Variants in CERK observed in about 807,000 individuals in gnomAD.
CERK encodes the protein acylsphingosine kinase.
In CERK, 39 loss-of-function variants were observed where a neutral mutation model predicts 63.4. The ratio of observed to expected loss-of-function variants is 0.61; its 90% CI spans 0.48 to 0.80. The LOEUF (loss-of-function observed/expected upper bound fraction) is 0.80. Ranked by LOEUF, CERK falls within the 30% of genes least tolerant of loss-of-function variation. The probability of loss-of-function intolerance (pLI) is 0.00; values close to 1 mark genes in which losing one functional copy is unlikely to be tolerated. For synonymous variants in CERK, 302 were observed against 280.0 expected (o/e 1.08, Z -0.78); for missense variants, 670 against 714.1 (o/e 0.94, Z 0.70).
At chr22:46,709,394 G>A (rs1283283524) in intron 5 of CERK, among the ~76,000 whole-genome samples, 1 of 152,208 alleles carries the variant, frequency 6.6e-6, no homozygotes, top group Non-Finnish European at 1.5e-5. Context: ...GAGGTGGTGG[G>A]AAGAAGTACA....
At chr22:46,733,175 TC>T (rs2146597607) in intron 1 of CERK, among the ~76,000 whole-genome samples, 1 of 116,842 alleles carries the variant, frequency 8.6e-6, no homozygotes, top group East Asian at 2.8e-4. Flanking sequence ...GCCACTGCAC[TC>T]CAGCCCTGGG....
In CERK at chr22:46,686,747, T is replaced by G. The variant is rs1268513985; in HGVS notation, c.*387A>C. The G allele has an allele frequency of 4.7e-6, 1 of 212,632 alleles. No homozygotes were observed. Among genetic ancestry groups the G allele is most frequent in the Non-Finnish European group, 9.7e-6 (1 of 103,130 alleles). The allele number at this position is 212,632 out of a possible 1,614,324, so 13.2% of individuals were successfully genotyped here. A position where few individuals can be genotyped will look rare whatever the true frequency, so the allele number is the denominator to read the frequency against. On this transcript the variant is annotated 3_prime_UTR_variant, in exon 13 of 13. Coordinates refer to ENST00000216264, the MANE Select transcript of CERK (RefSeq NM_022766.6). ...ATAAGTCCTGCAAAGTGGATCAAAG[T>G]GACCCACTGCTACCTCAGGCCCAGA...
rs574388891 is a variant in CERK, at chr22:46,684,830, C to T, written c.*2304G>A. 2.0e-5 allele frequency: 3 copies of T among 152,290 alleles called. No homozygotes were observed. Among genetic ancestry groups the T allele is most frequent in the East Asian group, 1.9e-4 (1 of 5,182 alleles). 9.4% of individuals were successfully genotyped at this position (152,290 alleles called of 1,614,324 possible). A position where few individuals can be genotyped will look rare whatever the true frequency, so the allele number is the denominator to read the frequency against. On this transcript the variant is annotated 3_prime_UTR_variant, in exon 13 of 13. Coordinates refer to ENST00000216264, the MANE Select transcript of CERK (RefSeq NM_022766.6). ...TCTGGGCAGTCACCCCCATCCTGCG[C>T]GCAGATAGCAAAGGGCTGCTGGCAG...
At chr22:46,689,921 G>T in intron 12 of CERK, 71 bp downstream of exon 12, 1 of 1,205,716 alleles carries the variant, frequency 8.3e-7, no homozygotes, top group Non-Finnish European at 1.1e-6. Context: ...CACCCTGGGT[G>T]GGGCAGCTTG....
At chr22:46,688,567 C>T (rs2082714821) in intron 12 of CERK, among the ~76,000 whole-genome samples, 1 of 152,244 alleles carries the variant, frequency 6.6e-6, no homozygotes, top group African/African-American at 2.4e-5. Context: ...CAGAGACCTC[C>T]TCCCTTAGGC....
intron 12 of CERK, among the ~76,000 whole-genome samples, chr22:46,688,507 C>T (rs181810391): frequency 2.7e-4 from 41 of 152,374 alleles, no homozygotes; most frequent in African/African-American, 9.9e-4. Flanking sequence ...GCCATCACCA[C>T]CGCCCTGACA....
At chr22:46,693,047 C>T (rs997260914) in intron 10 of CERK, among the ~76,000 whole-genome samples, 7 of 152,078 alleles carry the variant, frequency 4.6e-5, no homozygotes, top group Admixed American at 2.0e-4. Flanking sequence ...ACTCACTGTA[C>T]ACTGCCTAGG....
At chr22:46,690,253 T>A in intron 11 of CERK, 53 bp from the exon 12 acceptor site, 1 of 1,519,294 alleles carries the variant, frequency 6.6e-7, no homozygotes, top group South Asian at 1.1e-5. Context: ...ATCGTCTGGG[T>A]GGGGCAGCAG....
Position 46,701,674 on chromosome 22 carries a change from G to C in CERK, c.752C>G (p.Thr251Ser). Residue 251 changes from threonine to serine, a missense_variant, in exon 7 of 13, where the codon ACC becomes AGC. Thr to Ser is a moderately conservative substitution (Grantham distance 58). Coordinates refer to ENST00000216264, the MANE Select transcript of CERK (RefSeq NM_022766.6). ...CAGCGCCGAGGTTTCTGCGTCGCTG[G>C]TGCCCACGGTGGAGTAACACACGCA... The part of the protein sequence containing the change: ...TDCVCYSTVG[T>S]SDAETSALHI... The C allele has an allele frequency of 6.4e-7, 1 of 1,559,474 alleles. No individual in the cohort carries two copies. Among genetic ancestry groups the C allele is most frequent in the South Asian group, 1.2e-5 (1 of 84,502 alleles).
intron 1 of CERK, among the ~76,000 whole-genome samples, chr22:46,737,314 C>G (rs903713341): frequency 1.2e-4 from 18 of 144,828 alleles, no homozygotes; most frequent in Non-Finnish European, 2.4e-4. Context: ...AAACAAAAAA[C>G]AAACAAAAAA....
chr22:46,720,262 A>T (rs2082885760), intron 2 of CERK, 54 bp from the exon 3 acceptor site: 1 of 1,570,982 alleles, frequency 6.4e-7, no homozygotes, highest in Admixed American at 1.8e-5. Context: ...TCACTGACAA[A>T]ACCTCAAGTG....
chr22:46,712,515 C>T (rs191673948), intron 3 of CERK, among the ~76,000 whole-genome samples: 3 of 152,292 alleles, frequency 2.0e-5, no homozygotes, highest in Admixed American at 6.5e-5. Context: ...ACACACATGT[C>T]GGACATCATG....
At chr22:46,734,609 A>G (rs2146599533) in intron 1 of CERK, among the ~76,000 whole-genome samples, 1 of 152,302 alleles carries the variant, frequency 6.6e-6, no homozygotes, top group South Asian at 2.1e-4. Context: ...TTAACCAACT[A>G]TGTGCCTTAA....
At chr22:46,705,104 C>T (rs112736718) in intron 6 of CERK, among the ~76,000 whole-genome samples, 4 of 152,244 alleles carry the variant, frequency 2.6e-5, no homozygotes, top group African/African-American at 7.2e-5. Flanking sequence ...CTCCCAGCCC[C>T]GTGGGTGGCC....
At chr22:46,699,713 A>T (rs1024462637) in intron 7 of CERK, among the ~76,000 whole-genome samples, 1 of 152,214 alleles carries the variant, frequency 6.6e-6, no homozygotes, top group African/African-American at 2.4e-5. Flanking sequence ...ACTGAACAAG[A>T]GTGTATCCGT....
intron 1 of CERK, among the ~76,000 whole-genome samples, chr22:46,733,720 A>G (rs2082957675): frequency 6.6e-6 from 1 of 151,956 alleles, no homozygotes; most frequent in African/African-American, 2.4e-5. Flanking sequence ...TTCCCATTCC[A>G]ATATTATAAA....
intron 8 of CERK, among the ~76,000 whole-genome samples, 178 bp from the exon 9 acceptor site, chr22:46,695,493 GCCCT>G (rs1028775447): frequency 6.6e-6 from 1 of 152,250 alleles, no homozygotes; most frequent in African/African-American, 2.4e-5. Context: ...CAGGGTCTCT[GCCCT>G]CCCTCAGGAC....
Position 46,701,629 on chromosome 22 carries a change from G to A in CERK, c.790+7C>T, listed in dbSNP as rs1397827387. On this transcript the variant is annotated splice_region_variant and intron_variant, in intron 7 of 12. Transcript: ENST00000216264. ...CCACCGTGCGCATGCGCAGAGGAGG[G>A]GCTCACCAACAACGATATGCAGCGC... 15 of 1,554,326 alleles carry A rather than the reference G, an allele frequency of 9.7e-6. No individual in the cohort carries two copies. Among genetic ancestry groups the A allele is most frequent in the Non-Finnish European group, 1.3e-5 (15 of 1,148,980 alleles).
At chr22:46,693,537 T>A (rs760652729) in intron 9 of CERK, 34 bp from the exon 10 acceptor site, 1 of 1,578,742 alleles carries the variant, frequency 6.3e-7, no homozygotes, top group South Asian at 1.1e-5. Flanking sequence ...CTTTTAAATA[T>A]GGAGCTGCAG....
Sources: allele counts gnomAD v4.1 joint callset (sites outside exome capture counted in the v4.1 genomes callset), GRCh38; gene constraint gnomAD v4.1.1; transcripts MANE v1.5; gene names NCBI Gene and HGNC (gene_info 2026-07-23, HGNC 2026-07-21).